The following NRXN1 variants were observed in gnomAD, a reference collection of about 807,000 sequenced individuals.
NRXN1 encodes the protein neurexin-1.
In NRXN1, 39 loss-of-function variants were observed where a neutral mutation model predicts 150.9. The ratio of observed to expected loss-of-function variants is 0.26; its 90% confidence interval spans 0.20 to 0.34. The LOEUF (loss-of-function observed/expected upper bound fraction) is 0.34, where lower values mean the gene tolerates loss of function less well. Among genes scored for constraint, NRXN1 ranks in the 10% least tolerant of loss-of-function variants. NRXN1 has a pLI of 1.00. For missense variants in NRXN1, 1,815 were observed against 1,949.9 expected, an observed-to-expected ratio of 0.93 and a Z score of 1.30; for synonymous variants, 924 against 757.0, an observed-to-expected ratio of 1.22 and a Z score of -3.62.
intron 17 of NRXN1, among the ~76,000 whole-genome samples, chr2:50,434,576 G>A (rs536112604): frequency 6.6e-6 from 1 of 152,108 alleles, no homozygotes; most frequent in Non-Finnish European, 1.5e-5. Context: ...CAAGCTGGAC[G>A]CCAGACTTGA....
chr2:50,922,514 G>T, intron 4 of NRXN1, 144 bp downstream of exon 4: 1 of 840,642 alleles, frequency 1.2e-6, no homozygotes, highest in South Asian at 1.5e-5. Flanking sequence ...AAAAACACAT[G>T]AAAAAATGTG....
At chr2:50,743,324 C>T (rs779407858) in intron 5 of NRXN1, among the ~76,000 whole-genome samples, 1 of 152,052 alleles carries the variant, frequency 6.6e-6, no homozygotes, top group Non-Finnish European at 1.5e-5. Flanking sequence ...AGTGGGTATG[C>T]TCTACTAACA....
At chr2:50,767,993 T>C (rs1702565282) in intron 5 of NRXN1, among the ~76,000 whole-genome samples, 1 of 152,142 alleles carries the variant, frequency 6.6e-6, no homozygotes. Context: ...CTCTGGCCGA[T>C]AATTTATCAT....
intron 5 of NRXN1, among the ~76,000 whole-genome samples, chr2:50,876,993 C>G (rs1028042791): frequency 2.0e-5 from 3 of 151,850 alleles, no homozygotes; most frequent in African/African-American, 7.2e-5. Flanking sequence ...TCTTCCTCCA[C>G]ATATCCACAT....
At chr2:49,922,459 T>C (rs1045050160) in intron 22 of NRXN1, among the ~76,000 whole-genome samples, 1 of 152,194 alleles carries the variant, frequency 6.6e-6, no homozygotes, top group Non-Finnish European at 1.5e-5. Context: ...TGTTGCTGTG[T>C]CTTCTTTCTT....
chr2:50,550,646 T>C (rs578007424), intron 9 of NRXN1, among the ~76,000 whole-genome samples: 52 of 151,804 alleles, frequency 3.4e-4, no homozygotes, highest in African/African-American at 1.0e-3. Flanking sequence ...TGCATTCCCA[T>C]CAATGAACTC....
intron 19 of NRXN1, among the ~76,000 whole-genome samples, chr2:50,067,696 T>G (rs1238400889): frequency 6.6e-6 from 1 of 152,202 alleles, no homozygotes; most frequent in South Asian, 2.1e-4. Flanking sequence ...GCAGAGCCAT[T>G]GATAGACATC....
intron 17 of NRXN1, among the ~76,000 whole-genome samples, chr2:50,271,619 G>A (rs1269375498): frequency 6.6e-6 from 1 of 152,170 alleles, no homozygotes; most frequent in African/African-American, 2.4e-5. Flanking sequence ...ATAGGTCACT[G>A]TCTTGCAAAA....
At chr2:50,018,482 C>CT (rs951396888) in intron 21 of NRXN1, among the ~76,000 whole-genome samples, 7 of 152,252 alleles carry the variant, frequency 4.6e-5, no homozygotes, top group African/African-American at 1.7e-4. Context: ...CCAACCATGA[C>CT]TTCATGACAA....
At chr2:50,134,258 A>G (rs1225006877) in intron 18 of NRXN1, among the ~76,000 whole-genome samples, 2 of 146,136 alleles carry the variant, frequency 1.4e-5, no homozygotes, top group Non-Finnish European at 3.0e-5. Flanking sequence ...TGCCAAAACC[A>G]ATTAAAAGTA....
chr2:50,646,003 C>T (rs1684764556), intron 5 of NRXN1, among the ~76,000 whole-genome samples: 1 of 151,834 alleles, frequency 6.6e-6, no homozygotes, highest in South Asian at 2.1e-4. Flanking sequence ...AAGGGCTTCC[C>T]TAGAAAGGGA....
intron 18 of NRXN1, among the ~76,000 whole-genome samples, chr2:50,095,093 G>C (rs549684741): frequency 6.6e-6 from 1 of 152,290 alleles, no homozygotes; most frequent in African/African-American, 2.4e-5. Flanking sequence ...AAACAATCGT[G>C]CTCCTCCCAG....
chr2:49,969,630 G>C (rs1051528833), intron 21 of NRXN1: 3 of 151,664 alleles, frequency 2.0e-5, no homozygotes, highest in Non-Finnish European at 4.4e-5. Flanking sequence ...CATTTCACTG[G>C]ACGACTGATT....
chr2:51,014,530 C>T (rs1668377082), intron 2 of NRXN1, among the ~76,000 whole-genome samples: 1 of 151,984 alleles, frequency 6.6e-6, no homozygotes, highest in African/African-American at 2.4e-5. Flanking sequence ...AAAAATATGA[C>T]ATTGCATTAG....
At chr2:50,747,256 T>G (rs1441839068) in intron 5 of NRXN1, among the ~76,000 whole-genome samples, 1 of 152,130 alleles carries the variant, frequency 6.6e-6, no homozygotes, top group East Asian at 1.9e-4. Flanking sequence ...TCTGAAGAAC[T>G]TCTTTCCTGT....
chr2:49,929,113 C>T (rs1002880573), intron 22 of NRXN1, among the ~76,000 whole-genome samples: 1 of 152,146 alleles, frequency 6.6e-6, no homozygotes, highest in African/African-American at 2.4e-5. Flanking sequence ...CGTTCATTAT[C>T]TTCTCCAGAG....
intron 5 of NRXN1, among the ~76,000 whole-genome samples, chr2:50,674,224 T>G (rs971421144): frequency 6.6e-6 from 1 of 152,120 alleles, no homozygotes; most frequent in Admixed American, 6.6e-5. Context: ...AGGGTAAAGT[T>G]AGAATGAAAG....
At chr2:50,647,814 T>TA (rs1287618361) in intron 5 of NRXN1, among the ~76,000 whole-genome samples, 1 of 151,928 alleles carries the variant, frequency 6.6e-6, no homozygotes, top group Non-Finnish European at 1.5e-5. Flanking sequence ...TTGTAGTCAG[T>TA]AAAAATCATC....
chr2:50,970,354 T>C (rs1262257950), intron 2 of NRXN1, among the ~76,000 whole-genome samples: 1 of 152,092 alleles, frequency 6.6e-6, no homozygotes, highest in Non-Finnish European at 1.5e-5. Flanking sequence ...TTGGTGATAT[T>C]GTTTTCTGAA....
Sources: allele counts gnomAD v4.1 joint callset (sites outside exome capture counted in the v4.1 genomes callset), GRCh38; gene constraint gnomAD v4.1.1; transcripts MANE v1.5; gene names NCBI Gene and HGNC (gene_info 2026-07-23, HGNC 2026-07-21).